Variants in TENM3 observed in about 807,000 individuals in gnomAD.
TENM3 encodes the protein teneurin-3.
In TENM3, 63 loss-of-function variants were observed where a neutral mutation model predicts 255.1. The ratio of observed to expected loss-of-function variants is 0.25; its 90% CI spans 0.20 to 0.30. TENM3 has a LOEUF of 0.30. TENM3 is among the 10% of genes least tolerant of loss of function. The pLI is 1.00. For synonymous variants in TENM3, 1,306 were observed against 1,322.3 expected, an observed-to-expected ratio of 0.99 and a Z score of 0.27; for missense variants, 2,929 against 3,461.1, an observed-to-expected ratio of 0.85 and a Z score of 3.86.
At chr4:182,158,566 T>C (rs1750877213) in intron 1 of TENM3, among the ~76,000 whole-genome samples, 1 of 152,172 alleles carries the variant, frequency 6.6e-6, no homozygotes, top group African/African-American at 2.4e-5. Context: ...AGTACACTTC[T>C]TCCTGCTTTA....
the TENM3 span, among the ~76,000 whole-genome samples, chr4:181,452,383 T>C: frequency 6.6e-6 from 1 of 152,064 alleles, no homozygotes; most frequent in African/African-American, 2.4e-5. Context: ...AATCCCCTCG[T>C]GTTGTGAAAG....
intron 3 of TENM3, among the ~76,000 whole-genome samples, chr4:182,584,310 A>G (rs1432028693): frequency 6.6e-6 from 1 of 152,238 alleles, no homozygotes; most frequent in East Asian, 1.9e-4. Context: ...ATTATGAGCT[A>G]AAGACATCTA....
chr4:182,318,573 A>G (rs1561314937), intron 1 of TENM3, among the ~76,000 whole-genome samples: 1 of 152,212 alleles, frequency 6.6e-6, no homozygotes, highest in Non-Finnish European at 1.5e-5. Flanking sequence ...CCATTCATTC[A>G]TTCAGTCAAA....
At chr4:181,801,496 A>C in the TENM3 span, among the ~76,000 whole-genome samples, 1 of 151,966 alleles carries the variant, frequency 6.6e-6, no homozygotes, top group Non-Finnish European at 1.5e-5. Context: ...GGAGGGGGCC[A>C]TGTAGAGGAG....
intron 13 of TENM3, among the ~76,000 whole-genome samples, chr4:182,722,882 G>C (rs1759859647): frequency 6.6e-6 from 1 of 152,084 alleles, no homozygotes; most frequent in Admixed American, 6.6e-5. Flanking sequence ...ATGAAGAAAA[G>C]AAGCAACTGG....
chr4:182,706,584 CAT>C (rs1219798235), intron 12 of TENM3, among the ~76,000 whole-genome samples: 1 of 152,140 alleles, frequency 6.6e-6, no homozygotes, highest in African/African-American at 2.4e-5. Flanking sequence ...GCTGCAGACA[CAT>C]AGAGGACATA....
At chr4:182,775,836 C>T (rs1406287916) in intron 24 of TENM3, among the ~76,000 whole-genome samples, 2 of 152,020 alleles carry the variant, frequency 1.3e-5, no homozygotes, top group Non-Finnish European at 2.9e-5. Flanking sequence ...AATAGTAAAC[C>T]TTATGGGAGA....
chr4:182,533,842 G>A (rs1000511279), intron 3 of TENM3, among the ~76,000 whole-genome samples: 1 of 151,878 alleles, frequency 6.6e-6, no homozygotes, highest in Non-Finnish European at 1.5e-5. Context: ...GAATGTGGGA[G>A]GGGGAGGTTG....
At chr4:181,930,693 A>G in the TENM3 span, among the ~76,000 whole-genome samples, 1 of 152,096 alleles carries the variant, frequency 6.6e-6, no homozygotes, top group African/African-American at 2.4e-5. Flanking sequence ...TGATACCAAA[A>G]CCTGGCAGAC....
chr4:181,495,930 A>G, the TENM3 span, among the ~76,000 whole-genome samples: 2 of 150,480 alleles, frequency 1.3e-5, no homozygotes, highest in Non-Finnish European at 3.0e-5. Flanking sequence ...AAAGAAACAT[A>G]AAACTTTGCT....
the TENM3 span, among the ~76,000 whole-genome samples, chr4:181,652,184 G>C: frequency 4.0e-5 from 6 of 148,164 alleles, no homozygotes; most frequent in Admixed American, 2.7e-4. Context: ...GGCTGTTGTA[G>C]TCTTCCATGG....
intron 3 of TENM3, among the ~76,000 whole-genome samples, chr4:182,417,754 A>T (rs936498163): frequency 6.6e-6 from 1 of 152,224 alleles, no homozygotes; most frequent in African/African-American, 2.4e-5. Context: ...ATTTAAGTGA[A>T]GAGTGAAAAT....
the TENM3 span, among the ~76,000 whole-genome samples, chr4:181,859,907 T>C: frequency 6.6e-6 from 1 of 152,206 alleles, no homozygotes; most frequent in Admixed American, 6.5e-5. Context: ...GTCATTTTTT[T>C]CCTCAGACTT....
chr4:182,029,560 A>G, the TENM3 span, among the ~76,000 whole-genome samples: 1 of 152,146 alleles, frequency 6.6e-6, no homozygotes, highest in Non-Finnish European at 1.5e-5. Context: ...CTCTTGCTGA[A>G]TGGACCCCTT....
chr4:182,722,830 A>G (rs1759852249), intron 13 of TENM3, among the ~76,000 whole-genome samples: 1 of 152,186 alleles, frequency 6.6e-6, no homozygotes, highest in African/African-American at 2.4e-5. Flanking sequence ...GGATAGTTTC[A>G]GGGAAAGAGA....
chr4:182,685,683 C>A (rs1756516696), intron 11 of TENM3, among the ~76,000 whole-genome samples: 1 of 151,996 alleles, frequency 6.6e-6, no homozygotes, highest in Admixed American at 6.6e-5. Flanking sequence ...GTCTCTTAGG[C>A]CTCCATCAGT....
intron 1 of TENM3, among the ~76,000 whole-genome samples, chr4:182,259,253 A>G (rs905806717): frequency 6.6e-6 from 1 of 152,310 alleles, no homozygotes. Flanking sequence ...GGAACACCTC[A>G]GGGAACAGCT....
intron 2 of TENM3, among the ~76,000 whole-genome samples, chr4:182,343,918 G>C (rs1764636723): frequency 6.6e-6 from 1 of 152,120 alleles, no homozygotes; most frequent in Non-Finnish European, 1.5e-5. Context: ...ACTGAGGGAG[G>C]TCTGGAGCAG....
intron 1 of TENM3, among the ~76,000 whole-genome samples, chr4:182,158,533 A>G (rs1470987150): frequency 6.6e-6 from 1 of 152,160 alleles, no homozygotes; most frequent in Non-Finnish European, 1.5e-5. Flanking sequence ...CCCATTTTGG[A>G]GGAGAAAATG....
Sources: gnomAD v4.1 joint callset for allele counts (sites outside exome capture counted in the v4.1 genomes callset) on GRCh38, gnomAD v4.1.1 for gene constraint, MANE v1.5 for transcripts, NCBI Gene and HGNC (gene_info 2026-07-23, HGNC 2026-07-21) for gene names.